HIF3A: variants seen among roughly 807,000 people sequenced by gnomAD.
HIF3A encodes the protein hypoxia inducible factor 3 subunit alpha, also known as hypoxia-inducible factor 3-alpha.
In HIF3A, 41 loss-of-function variants were observed where a neutral mutation model predicts 67.2. The observed-to-expected ratio is 0.61, with a 90% CI of 0.48 to 0.79. HIF3A has a LOEUF of 0.79. HIF3A is among the 30% of genes least tolerant of loss of function. The pLI is 0.00. For missense variants in HIF3A, 855 were observed against 898.0 expected (o/e 0.95, Z 0.61); for synonymous variants, 356 against 374.8 (o/e 0.95, Z 0.58).
chr19:46,303,530 T>A, intron 1 of HIF3A: 1 of 1,289,300 alleles, frequency 7.8e-7, no homozygotes, highest in Non-Finnish European at 1.1e-6. Flanking sequence ...CCTGGCCAGC[T>A]CAGCCAGCCC....
At chr19:46,324,577 G>A (rs1394278453) in intron 10 of HIF3A, among the ~76,000 whole-genome samples, 1 of 151,740 alleles carries the variant, frequency 6.6e-6, no homozygotes, top group Non-Finnish European at 1.5e-5. Flanking sequence ...CCTCAGGCTG[G>A]GTGCGGTGGC....
chr19:46,308,197 C>G, intron 3 of HIF3A, 24 bp from the exon 4 acceptor site: 1 of 1,523,308 alleles, frequency 6.6e-7, no homozygotes, highest in Non-Finnish European at 9.1e-7. Context: ...CCTGGTAGAC[C>G]CCCACCCCTC....
rs1967916309 is a variant in HIF3A at position 46,297,143 on chromosome 19, C to T, written c.26+41C>T. The T allele has an allele frequency of 7.8e-6, 9 of 1,160,304 alleles. No individual in the cohort carries two copies. The highest frequency in any genetic ancestry group is 4.5e-4 in the Middle Eastern group (2 of 4,478). The allele number at this position is 1,160,304 out of a possible 1,614,324, so 71.9% of individuals were successfully genotyped here. A position where few individuals can be genotyped will look rare whatever the true frequency, so the allele number is the denominator to read the frequency against. On this transcript the variant is annotated intron_variant, in intron 1 of 14. Coordinates refer to ENST00000377670, the MANE Select transcript of HIF3A (RefSeq NM_152795.4). This position sits in a 1 kb window ranked among gnomAD's most constrained non-coding sequence, Gnocchi z 4.5. ...GGCAGGAGTTCTGGGAATTGGGGGGCTCTCCTCCTGGAGACCCCTGAGCTG... is the reference window on the plus strand; with the variant it reads ...GGCAGGAGTTCTGGGAATTGGGGGGTTCTCCTCCTGGAGACCCCTGAGCTG...
chr19:46,298,363 G>GGCCCCCCCCC, intron 1 of HIF3A: 7 of 1,256,622 alleles, frequency 5.6e-6, no homozygotes, highest in Non-Finnish European at 6.2e-6. Context: ...GAGCTCGGGT[G>GGCCCCCCCCC]CCCCCCCTCC....
chr19:46,315,434 A>G (rs1409616787), intron 8 of HIF3A, among the ~76,000 whole-genome samples: 2 of 144,744 alleles, frequency 1.4e-5, no homozygotes, highest in Non-Finnish European at 3.0e-5. Context: ...TGAATAGAGC[A>G]CAGTTTTTTT....
intron 3 of HIF3A, chr19:46,306,361 G>A (rs1968851540): frequency 6.6e-6 from 1 of 152,242 alleles, no homozygotes; most frequent in Non-Finnish European, 1.5e-5. Context: ...TGAAAGATCA[G>A]CAATGGGTAG....
At chr19:46,323,966 G>T (rs1970576979) in intron 10 of HIF3A, among the ~76,000 whole-genome samples, 1 of 152,080 alleles carries the variant, frequency 6.6e-6, no homozygotes, top group Admixed American at 6.6e-5. Flanking sequence ...ATTTGGGTGG[G>T]GACGCAGCCA....
intron 10 of HIF3A, 113 bp downstream of exon 10, chr19:46,322,079 T>G: frequency 9.3e-7 from 1 of 1,075,746 alleles, no homozygotes; most frequent in Non-Finnish European, 1.3e-6. Flanking sequence ...TCCATCTGTG[T>G]AGTGGGGAGG....
chr19:46,336,085 C>CCTTTTTTT, intron 14 of HIF3A, among the ~76,000 whole-genome samples: 1 of 79,370 alleles, frequency 1.3e-5, no homozygotes. Flanking sequence ...CTCTCTCTCT[C>CCTTTTTTT]TTTTTTTTTT....
In HIF3A at chr19:46,314,894, T is replaced by G. The variant is rs977235280; in HGVS notation, c.1025+2241T>G. Among the ~76,000 whole-genome samples, 2 of 146,484 alleles carry G rather than the reference T, an allele frequency of 1.4e-5. 1 individual carries two copies. Among genetic ancestry groups the G allele is most frequent in the Admixed American group, 1.5e-4 (2 of 13,646 alleles). ...TTTTTTACACAAAAATATTCTCTTG[T>G]AGTAAACCCCTCCCACACTCCCATG... is the stretch of plus-strand genomic sequence containing the variant. On this transcript the variant is annotated intron_variant, in intron 8 of 14. Coordinates refer to ENST00000377670, the MANE Select transcript of HIF3A (RefSeq NM_152795.4).
At chr19:46,325,207 A>G (rs543966936) in intron 10 of HIF3A, among the ~76,000 whole-genome samples, 3 of 151,888 alleles carry the variant, frequency 2.0e-5, no homozygotes, top group African/African-American at 7.2e-5. Flanking sequence ...CTGTTGGCCA[A>G]GCTGGTCTCG....
intron 6 of HIF3A, among the ~76,000 whole-genome samples, 161 bp downstream of exon 6, chr19:46,309,520 C>A (rs1434668846): frequency 4.0e-5 from 6 of 151,818 alleles, no homozygotes; most frequent in African/African-American, 1.5e-4. Flanking sequence ...TTCTACATGC[C>A]TTTTATATCT....
intron 11 of HIF3A, among the ~76,000 whole-genome samples, chr19:46,328,756 C>G (rs1970970931): frequency 6.6e-6 from 1 of 151,756 alleles, no homozygotes; most frequent in African/African-American, 2.4e-5. Context: ...GTATTTCACT[C>G]TGTCACTCAG....
intron 14 of HIF3A, among the ~76,000 whole-genome samples, chr19:46,337,425 C>G (rs138587053): frequency 1.3e-5 from 2 of 151,982 alleles, no homozygotes; most frequent in African/African-American, 4.8e-5. Context: ...CGCTTCATTA[C>G]GTCTGGCTAA....
intron 10 of HIF3A, among the ~76,000 whole-genome samples, chr19:46,324,154 G>A (rs758128107): frequency 2.6e-5 from 4 of 152,094 alleles, no homozygotes; most frequent in African/African-American, 4.8e-5. Context: ...TATCAGCCAC[G>A]TTACCCTGGC....
chr19:46,298,455 C>T, intron 1 of HIF3A: 2 of 1,288,382 alleles, frequency 1.6e-6, no homozygotes, highest in Non-Finnish European at 2.0e-6. Flanking sequence ...GTCCTGGCTG[C>T]ACCGCATCCC....
Position 46,312,240 on chromosome 19 carries a change from G to A in HIF3A, c.850G>A (p.Asp284Asn), listed in dbSNP as rs769459593. The A allele has an allele frequency of 1.1e-5, 17 of 1,613,784 alleles. No homozygotes were observed. Among genetic ancestry groups the A allele is most frequent in the African/African-American group, 4.0e-5 (3 of 74,842 alleles). Reference sequence around the variant, plus strand: ...CGAGTACATCCACGCGCTGGACTCCGATGCGGTCAGCAAGAGCATCCACAC... The same window carrying A: ...CGAGTACATCCACGCGCTGGACTCCAATGCGGTCAGCAAGAGCATCCACAC... Reference protein sequence around the residue: ...AYEYIHALDSDAVSKSIHTLL... With the variant: ...AYEYIHALDSNAVSKSIHTLL... The change falls in exon 7 of 15, where the codon GAT becomes AAT. Residue 284 changes from aspartate to asparagine, a missense_variant. By Grantham distance (23) the Asp-to-Asn change is conservative. This residue lies in a region of HIF3A where 638 missense variants were observed against 660.5 expected (regional missense o/e 0.97). Coordinates refer to ENST00000377670, the MANE Select transcript of HIF3A (RefSeq NM_152795.4).
intron 3 of HIF3A, 69 bp from the exon 4 acceptor site, chr19:46,308,152 G>A (rs1292342349): frequency 5.3e-6 from 5 of 949,764 alleles, no homozygotes; most frequent in Non-Finnish European, 7.0e-6. Flanking sequence ...TGGAGCAGGG[G>A]AATGAGGATG....
At chr19:46,339,496 C>G (rs1210216257) in intron 14 of HIF3A, 29 bp from the exon 15 acceptor site, 2 of 1,413,484 alleles carry the variant, frequency 1.4e-6, no homozygotes, top group Admixed American at 2.0e-5. Context: ...TTTTACCTTT[C>G]ATTTATCATT....
Sources: allele counts gnomAD v4.1 joint callset (sites outside exome capture counted in the v4.1 genomes callset), GRCh38; gene constraint gnomAD v4.1.1; regional missense constraint gnomAD v4.1.1; non-coding constraint Gnocchi (gnomAD v3.1); transcripts MANE v1.5; gene names NCBI Gene and HGNC (gene_info 2026-07-23, HGNC 2026-07-21).